The following CADM2 variants were observed in gnomAD, a reference collection of about 807,000 sequenced individuals.
CADM2 encodes the protein immunoglobulin superfamily member 4D.
A neutral mutation model predicts 49.8 loss-of-function variants in CADM2; 12 were observed. The ratio of observed to expected loss-of-function variants is 0.24; its 90% CI spans 0.15 to 0.39. The LOEUF (loss-of-function observed/expected upper bound fraction) is 0.39. Ranked by LOEUF, CADM2 falls within the 10% of genes least tolerant of loss-of-function variation. CADM2 has a pLI of 1.00. For synonymous variants in CADM2, 214 were observed against 175.4 expected (o/e 1.22, Z -1.74); for missense variants, 378 against 492.3 (o/e 0.77, Z 2.20).
At chr3:85,622,386 TA>T (rs879270334) in intron 1 of CADM2, among the ~76,000 whole-genome samples, 1 of 152,152 alleles carries the variant, frequency 6.6e-6, no homozygotes, top group Non-Finnish European at 1.5e-5. Flanking sequence ...ATATCCAAAC[TA>T]AAAAATGCTG....
chr3:85,165,190 G>A (rs541667133), intron 1 of CADM2, among the ~76,000 whole-genome samples: 18 of 151,808 alleles, frequency 1.2e-4, no homozygotes, highest in Non-Finnish European at 2.5e-4. Flanking sequence ...CAAATCTCTT[G>A]AATTACATTT....
At position 85,832,510 on chromosome 3, in the gene CADM2, C is replaced by T. The variant is rs1275332445; in HGVS notation, c.238+30314C>T. ...TTTCTTCATCAGTTTTTGTAGTTCTCTTTGTAGAGATCTTTCATCTCCTTG... is the reference window on the plus strand; with the variant it reads ...TTTCTTCATCAGTTTTTGTAGTTCTTTTTGTAGAGATCTTTCATCTCCTTG... On this transcript the variant is annotated intron_variant, in intron 3 of 9. Transcript: ENST00000383699. Among the ~76,000 whole-genome samples the T allele has an allele frequency of 2.0e-5, 3 of 151,908 alleles. No homozygotes were observed. The East Asian group carries it at 5.8e-4, about 29-fold the overall frequency.
rs145632891 is a variant in CADM2, at chr3:85,668,377, A to G, written c.62-58145A>G. Among the ~76,000 whole-genome samples, 481 of 152,028 alleles carry G rather than the reference A, an allele frequency of 3.2e-3. 3 individuals carry two copies. Among genetic ancestry groups the G allele is most frequent in the African/African-American group, 0.011 (456 of 41,496 alleles). On this transcript the variant is annotated intron_variant, in intron 1 of 9. Transcript: ENST00000383699. Reference sequence around the variant, plus strand: ...CAAATAAATCTAGTGTTTGGAAATAATAAATACATTAGATTTTCTTTGTTC... The same window carrying G: ...CAAATAAATCTAGTGTTTGGAAATAGTAAATACATTAGATTTTCTTTGTTC...
intron 1 of CADM2, among the ~76,000 whole-genome samples, chr3:85,077,532 A>G (rs1475700773): frequency 6.6e-6 from 1 of 152,088 alleles, no homozygotes; most frequent in African/African-American, 2.4e-5. Flanking sequence ...TGCTAACTCT[A>G]TTCTTGTAAA....
intron 1 of CADM2, among the ~76,000 whole-genome samples, chr3:85,175,190 G>A (rs1312421603): frequency 6.6e-6 from 1 of 152,144 alleles, no homozygotes; most frequent in Admixed American, 6.5e-5. Context: ...CAGTGGTACA[G>A]CCACTGTGGA....
chr3:85,416,677 C>T (rs9878372), intron 1 of CADM2, among the ~76,000 whole-genome samples: 212 of 152,030 alleles, frequency 1.4e-3, no homozygotes, highest in African/African-American at 3.7e-3. Flanking sequence ...GCCTGGAATA[C>T]GAAAAAAATT....
In CADM2 at chr3:85,339,895, G is replaced by A. The variant is rs549580883; in HGVS notation, c.61+380227G>A. ...TCTTTGCAAACTCTTTAATTTCTAA[G>A]ATTTATCTTAATATTTTAAATCATT... On this transcript the variant is annotated intron_variant, in intron 1 of 9. Transcript: ENST00000383699. Among the ~76,000 whole-genome samples the A allele has an allele frequency of 4.3e-4, 65 of 151,300 alleles. No homozygotes were observed. In the South Asian group the frequency reaches 0.013, roughly 31 times the overall value.
chr3:85,408,028 A>AG (rs997810485), intron 1 of CADM2, among the ~76,000 whole-genome samples: 3 of 150,358 alleles, frequency 2.0e-5, no homozygotes, highest in African/African-American at 4.9e-5. Flanking sequence ...AAAAAAAAAA[A>AG]AAGAAGAAGA....
At chr3:85,308,373 ATTTACCCC>A (rs2044266968) in intron 1 of CADM2, among the ~76,000 whole-genome samples, 1 of 151,144 alleles carries the variant, frequency 6.6e-6, no homozygotes, top group Non-Finnish European at 1.5e-5. Flanking sequence ...TAAATCCTAT[ATTTACCCC>A]TTCAGTATGC....
At chr3:85,520,054 A>G (rs2060995675) in intron 1 of CADM2, among the ~76,000 whole-genome samples, 1 of 152,078 alleles carries the variant, frequency 6.6e-6, no homozygotes, top group Admixed American at 6.5e-5. Flanking sequence ...CCTGGAGACT[A>G]TTATAAAATA....
intron 1 of CADM2, among the ~76,000 whole-genome samples, chr3:85,273,773 A>G (rs946720825): frequency 6.7e-6 from 1 of 150,336 alleles, no homozygotes; most frequent in African/African-American, 2.5e-5. Flanking sequence ...AAGCTCAGAA[A>G]AGAAGCACAT....
intron 1 of CADM2, among the ~76,000 whole-genome samples, chr3:85,577,984 T>TTCCTTCCTTCCTTCCTTCCTTCCTTCC (rs2062685649): frequency 3.0e-5 from 4 of 134,220 alleles, no homozygotes; most frequent in African/African-American, 1.2e-4. Flanking sequence ...TATTAATCTC[T>TTCCTTCCTTCCTTCCTTCCTTCCTTCC]TTCCTTCCTT....
At position 85,266,422 on chromosome 3, in the gene CADM2, A is replaced by G. The variant is rs2043122281; in HGVS notation, c.61+306754A>G. 2.6e-5 allele frequency among the ~76,000 whole-genome samples: 4 copies of G among 151,992 alleles called. No homozygotes were observed. In the South Asian group the frequency reaches 8.3e-4, roughly 31 times the overall value. ...GTAGATAATAGATTCAGACTGTGAC[A>G]GATGTCTGACAGGTAAAAAGGTTGT... On this transcript the variant is annotated intron_variant, in intron 1 of 9. Transcript: ENST00000383699.
intron 1 of CADM2, among the ~76,000 whole-genome samples, chr3:85,514,697 G>A (rs1232301717): frequency 8.6e-5 from 13 of 152,016 alleles, no homozygotes; most frequent in African/African-American, 2.4e-4. Context: ...TCTCTCATGA[G>A]TTGCTCCTTA....
chr3:85,231,872 C>T (rs936506363), intron 1 of CADM2, among the ~76,000 whole-genome samples: 5 of 151,480 alleles, frequency 3.3e-5, no homozygotes, highest in South Asian at 2.1e-4. Flanking sequence ...GCACCACACC[C>T]GACTAATTTT....
intron 7 of CADM2, among the ~76,000 whole-genome samples, chr3:85,936,196 A>G (rs1445918695): frequency 6.6e-6 from 1 of 151,704 alleles, no homozygotes. Context: ...CCCATGAAAA[A>G]CTTAGAAAAT....
chr3:84,963,414 G>C (rs1289609867), intron 1 of CADM2, among the ~76,000 whole-genome samples: 1 of 151,750 alleles, frequency 6.6e-6, no homozygotes, highest in Non-Finnish European at 1.5e-5. Flanking sequence ...TTCTGGAAAG[G>C]GCAAAAAAGA....
chr3:85,107,938 G>A (rs1417831028), intron 1 of CADM2, among the ~76,000 whole-genome samples: 2 of 151,792 alleles, frequency 1.3e-5, no homozygotes, highest in African/African-American at 4.8e-5. Flanking sequence ...CTGACTTCAG[G>A]TGATCCACCC....
At chr3:85,306,307 A>C (rs572765955) in intron 1 of CADM2, among the ~76,000 whole-genome samples, 1 of 151,618 alleles carries the variant, frequency 6.6e-6, no homozygotes, top group Admixed American at 6.6e-5. Flanking sequence ...TTAAGAATTG[A>C]TTTTTGACTG....
Sources: gnomAD v4.1 joint callset for allele counts (sites outside exome capture counted in the v4.1 genomes callset) on GRCh38, gnomAD v4.1.1 for gene constraint, MANE v1.5 for transcripts, NCBI Gene and HGNC (gene_info 2026-07-23, HGNC 2026-07-21) for gene names.